The following ZDHHC14 variants were observed in gnomAD, a reference collection of about 807,000 sequenced individuals.
ZDHHC14 encodes the protein zDHHC palmitoyltransferase 14.
In ZDHHC14, 16 loss-of-function variants were observed where a neutral mutation model predicts 47.7. That is an observed-to-expected ratio of 0.34 (90% confidence interval 0.23 to 0.51). The LOEUF (loss-of-function observed/expected upper bound fraction) is 0.51. Ranked by LOEUF, ZDHHC14 falls within the 20% of genes least tolerant of loss-of-function variation. ZDHHC14 has a pLI of 0.97. For missense variants in ZDHHC14, 515 were observed against 662.5 expected (o/e 0.78, Z 2.44); for synonymous variants, 293 against 278.9 (o/e 1.05, Z -0.50).
At chr6:157,540,888 A>ATG (rs1171821046) in intron 1 of ZDHHC14, among the ~76,000 whole-genome samples, 4,330 of 127,408 alleles carry the variant, frequency 0.034, 99 homozygotes, top group Non-Finnish European at 0.041. Context: ...ATATGTATGT[A>ATG]TGTGTGTGTG....
chr6:157,406,117 G>A (rs1007588612), intron 1 of ZDHHC14, among the ~76,000 whole-genome samples: 4 of 152,112 alleles, frequency 2.6e-5, no homozygotes, highest in Admixed American at 6.6e-5. Flanking sequence ...AGTTTATATC[G>A]TATCAGCTCC....
intron 8 of ZDHHC14, among the ~76,000 whole-genome samples, chr6:157,658,639 T>C (rs965680719): frequency 4.6e-5 from 7 of 152,246 alleles, no homozygotes; most frequent in African/African-American, 1.7e-4. Flanking sequence ...ATTTGTCTCC[T>C]ATTTCTTGAA....
intron 5 of ZDHHC14, among the ~76,000 whole-genome samples, chr6:157,639,173 C>T (rs572686025): frequency 1.4e-3 from 211 of 152,334 alleles, no homozygotes; most frequent in South Asian, 3.5e-3. Context: ...GATAGCTAAA[C>T]CCCGATGGGG....
At chr6:157,592,253 C>T (rs1190693950) in intron 2 of ZDHHC14, among the ~76,000 whole-genome samples, 1 of 151,734 alleles carries the variant, frequency 6.6e-6, no homozygotes, top group Non-Finnish European at 1.5e-5. Flanking sequence ...AAAAACTCCA[C>T]GTTTGTATTG....
chr6:157,645,555 C>T (rs1223072967), intron 5 of ZDHHC14, among the ~76,000 whole-genome samples, 182 bp from the exon 6 acceptor site: 2 of 152,186 alleles, frequency 1.3e-5, no homozygotes, highest in African/African-American at 4.8e-5. Context: ...CCTGCCCTGA[C>T]GGAGGCCTCC....
At chr6:157,521,753 G>A (rs1780924073) in intron 1 of ZDHHC14, among the ~76,000 whole-genome samples, 1 of 152,226 alleles carries the variant, frequency 6.6e-6, no homozygotes, top group South Asian at 2.1e-4. Flanking sequence ...CTATGACATG[G>A]TTTCCTGGCA....
At chr6:157,489,693 C>A (rs1460630267) in intron 1 of ZDHHC14, among the ~76,000 whole-genome samples, 1 of 152,166 alleles carries the variant, frequency 6.6e-6, no homozygotes, top group Non-Finnish European at 1.5e-5. Flanking sequence ...AGATAAGAAC[C>A]GCAATGCGTG....
At chr6:157,626,799 C>T (rs554854456) in intron 3 of ZDHHC14, among the ~76,000 whole-genome samples, 38 of 152,130 alleles carry the variant, frequency 2.5e-4, no homozygotes, top group Non-Finnish European at 4.0e-4. Flanking sequence ...TTTCCCCGGC[C>T]CCGGGTATTC....
intron 7 of ZDHHC14, among the ~76,000 whole-genome samples, chr6:157,650,272 G>T (rs1403771798): frequency 6.6e-6 from 1 of 152,160 alleles, no homozygotes; most frequent in Non-Finnish European, 1.5e-5. Flanking sequence ...GCAGGGTTTT[G>T]AAAGACAAAG....
chr6:157,671,615 G>A (rs1026954960), intron 8 of ZDHHC14, among the ~76,000 whole-genome samples: 12 of 152,170 alleles, frequency 7.9e-5, no homozygotes, highest in Non-Finnish European at 1.5e-5. Flanking sequence ...CTGTCGCATA[G>A]CCTGGAAATG....
At chr6:157,405,389 C>T (rs969394856) in intron 1 of ZDHHC14, among the ~76,000 whole-genome samples, 36 of 152,250 alleles carry the variant, frequency 2.4e-4, no homozygotes, top group Admixed American at 1.8e-3. Context: ...CCCGCCACCA[C>T]GCCTGGCTAA....
chr6:157,449,005 G>A (rs1326776799), intron 1 of ZDHHC14, among the ~76,000 whole-genome samples: 1 of 152,244 alleles, frequency 6.6e-6, no homozygotes, highest in Non-Finnish European at 1.5e-5. Context: ...TCACACTGCT[G>A]TGAAGCAGAA....
intron 1 of ZDHHC14, among the ~76,000 whole-genome samples, chr6:157,454,447 A>C (rs1262168318): frequency 6.6e-6 from 1 of 152,226 alleles, no homozygotes; most frequent in Non-Finnish European, 1.5e-5. Flanking sequence ...AAAAAGAAGA[A>C]AAATGCAACA....
chr6:157,443,277 C>G (rs182080819), intron 1 of ZDHHC14, among the ~76,000 whole-genome samples: 327 of 152,296 alleles, frequency 2.1e-3, no homozygotes, highest in African/African-American at 7.3e-3. Flanking sequence ...CCTCCCCAGC[C>G]ATGCTGAACT....
At chr6:157,498,716 T>C (rs1423926601) in intron 1 of ZDHHC14, among the ~76,000 whole-genome samples, 1 of 152,246 alleles carries the variant, frequency 6.6e-6, no homozygotes, top group Non-Finnish European at 1.5e-5. Context: ...TCATACTGTC[T>C]CTTGTCCTGC....
intron 5 of ZDHHC14, among the ~76,000 whole-genome samples, chr6:157,638,150 A>G (rs1312480357): frequency 6.6e-6 from 1 of 151,996 alleles, no homozygotes; most frequent in Non-Finnish European, 1.5e-5. Flanking sequence ...AGAATGCCTG[A>G]CTCATTTTCA....
In ZDHHC14 at chr6:157,382,279, G is replaced by C; in HGVS notation, c.245+13G>C. 2.5e-6 allele frequency: 4 copies of C among 1,609,660 alleles called. No homozygotes were observed. Among genetic ancestry groups the C allele is most frequent in the Non-Finnish European group, 3.4e-6 (4 of 1,178,262 alleles). ...TCTTCGCCTTCGAGTAAGTGGTGGC[G>C]ACCGCTCCCCCGACGCCGCACTCCC... On this transcript the variant is annotated intron_variant, in intron 1 of 8. Coordinates refer to ENST00000359775, the MANE Select transcript of ZDHHC14 (RefSeq NM_024630.3).
At chr6:157,655,570 C>T (rs1230105626) in intron 8 of ZDHHC14, among the ~76,000 whole-genome samples, 1 of 152,226 alleles carries the variant, frequency 6.6e-6, no homozygotes, top group Non-Finnish European at 1.5e-5. Flanking sequence ...TTGATCGTTT[C>T]TCTGATGTGT....
At chr6:157,647,460 G>A in intron 7 of ZDHHC14, 92 bp downstream of exon 7, 1 of 895,182 alleles carries the variant, frequency 1.1e-6, no homozygotes, top group Non-Finnish European at 1.7e-6. Flanking sequence ...GGTGGAATGG[G>A]TCGCCGCCAC....
Sources: gnomAD v4.1 joint callset for allele counts (sites outside exome capture counted in the v4.1 genomes callset) on GRCh38, gnomAD v4.1.1 for gene constraint, MANE v1.5 for transcripts, NCBI Gene and HGNC (gene_info 2026-07-23, HGNC 2026-07-21) for gene names.